TTC29: variants seen among roughly 807,000 people sequenced by gnomAD.
TTC29 encodes the protein tetratricopeptide repeat protein 29.
A neutral mutation model predicts 58.1 loss-of-function variants in TTC29; 49 were observed. That is an observed-to-expected ratio of 0.84 (90% CI 0.67 to 1.07). The LOEUF (loss-of-function observed/expected upper bound fraction) is 1.07, where lower values mean the gene tolerates loss of function less well. Ranked by LOEUF, TTC29 falls within the 50% of genes least tolerant of loss-of-function variation. The pLI is 0.00. For missense variants in TTC29, 582 were observed against 555.6 expected (o/e 1.05, Z -0.48); for synonymous variants, 209 against 196.8 (o/e 1.06, Z -0.52).
intron 6 of TTC29, among the ~76,000 whole-genome samples, chr4:146,900,042 C>A (rs180961908): frequency 6.6e-6 from 1 of 152,258 alleles, no homozygotes; most frequent in East Asian, 1.9e-4. Flanking sequence ...CCAGGCAAGT[C>A]CCCACTCCAC....
At chr4:146,884,267 T>C (rs886520528) in intron 6 of TTC29, among the ~76,000 whole-genome samples, 4 of 152,124 alleles carry the variant, frequency 2.6e-5, no homozygotes, top group Non-Finnish European at 4.4e-5. Flanking sequence ...TTTCTAACAC[T>C]GGTCTAGTTG....
intron 8 of TTC29, among the ~76,000 whole-genome samples, chr4:146,853,102 A>T (rs1362705017): frequency 6.6e-6 from 1 of 152,166 alleles, no homozygotes; most frequent in Non-Finnish European, 1.5e-5. Flanking sequence ...AAACCTTTAA[A>T]TTTTAATGGA....
intron 10 of TTC29, among the ~76,000 whole-genome samples, chr4:146,816,833 C>G (rs1377610175): frequency 2.6e-5 from 4 of 151,908 alleles, no homozygotes; most frequent in Non-Finnish European, 5.9e-5. Context: ...ACTCGATTTC[C>G]TTAAAAAAAA....
At chr4:146,801,489 G>A (rs2150116180) in intron 11 of TTC29, among the ~76,000 whole-genome samples, 1 of 152,102 alleles carries the variant, frequency 6.6e-6, no homozygotes, top group East Asian at 1.9e-4. Context: ...GCAAAGGAGT[G>A]TTTTATTTTA....
chr4:146,753,372 G>C (rs1219635847), intron 11 of TTC29, among the ~76,000 whole-genome samples: 4 of 152,200 alleles, frequency 2.6e-5, no homozygotes, highest in South Asian at 2.1e-4. Context: ...ACACCAGTTA[G>C]AATGACGATC....
intron 11 of TTC29, among the ~76,000 whole-genome samples, chr4:146,759,783 C>T (rs997210569): frequency 5.3e-5 from 8 of 151,950 alleles, no homozygotes; most frequent in African/African-American, 1.5e-4. Flanking sequence ...AAGGGACATA[C>T]CTTAATGTAG....
intron 9 of TTC29, among the ~76,000 whole-genome samples, chr4:146,821,273 T>C (rs1751801116): frequency 6.6e-6 from 1 of 152,142 alleles, no homozygotes. Flanking sequence ...TGAAATTAGA[T>C]AGCGGCCATG....
At chr4:146,942,531 G>A (rs377733007) in intron 2 of TTC29, 1 of 1,165,262 alleles carries the variant, frequency 8.6e-7, no homozygotes, top group Non-Finnish European at 1.2e-6. Flanking sequence ...TATAACTCAT[G>A]TGAGGTTTGA....
chr4:146,937,739 C>T (rs908127797), intron 3 of TTC29, 62 bp from the exon 4 acceptor site: 6 of 892,438 alleles, frequency 6.7e-6, no homozygotes, highest in Non-Finnish European at 1.0e-5. Context: ...CTACCAAACA[C>T]ATAAAATGCC....
chr4:146,707,903 G>C (rs1742095435), intron 11 of TTC29, among the ~76,000 whole-genome samples: 1 of 152,030 alleles, frequency 6.6e-6, no homozygotes, highest in African/African-American at 2.4e-5. Context: ...GCCTCTACCT[G>C]GTTATCTTAG....
At chr4:146,843,020 A>G (rs1034322549) in intron 8 of TTC29, among the ~76,000 whole-genome samples, 1 of 152,150 alleles carries the variant, frequency 6.6e-6, no homozygotes, top group Non-Finnish European at 1.5e-5. Flanking sequence ...CAGACAATCA[A>G]CTGCAACATT....
intron 10 of TTC29, among the ~76,000 whole-genome samples, chr4:146,818,723 G>A (rs916856779): frequency 1.3e-5 from 2 of 152,092 alleles, no homozygotes; most frequent in Non-Finnish European, 2.9e-5. Context: ...AGAAAATGTG[G>A]CACATATACA....
intron 11 of TTC29, among the ~76,000 whole-genome samples, chr4:146,785,027 T>C (rs762319594): frequency 6.6e-6 from 1 of 152,224 alleles, no homozygotes; most frequent in African/African-American, 2.4e-5. Context: ...CTTTTGTTCC[T>C]ACGCAAAATG....
chr4:146,869,116 A>C lies in TTC29; in HGVS notation c.800-1533T>G, dbSNP rs553124873. The stretch of plus-strand genomic sequence containing the variant: ...TTTAAGTAAAAAAAAAAAAAAAAAA[A>C]AAACCTCTTTTCTTTATAAATTACC... On this transcript the variant is annotated intron_variant, in intron 7 of 12. Coordinates refer to ENST00000325106, the MANE Select transcript of TTC29 (RefSeq NM_031956.4). 9.8e-3 allele frequency among the ~76,000 whole-genome samples: 1,480 copies of C among 150,340 alleles called. 12 individuals are homozygous for C. Among genetic ancestry groups the C allele is most frequent in the Non-Finnish European group, 0.017 (1,134 of 67,646 alleles).
intron 11 of TTC29, among the ~76,000 whole-genome samples, chr4:146,776,542 G>A (rs1412631585): frequency 6.6e-6 from 1 of 152,030 alleles, no homozygotes; most frequent in Non-Finnish European, 1.5e-5. Context: ...ATTTTAGAGG[G>A]CCAAGGTTTA....
At chr4:146,835,562 G>A (rs917368070) in intron 8 of TTC29, among the ~76,000 whole-genome samples, 3 of 151,822 alleles carry the variant, frequency 2.0e-5, no homozygotes, top group African/African-American at 7.3e-5. Context: ...TACCACTATT[G>A]TGTCTCAGGC....
At chr4:146,760,688 AG>A (rs1278009117) in intron 11 of TTC29, among the ~76,000 whole-genome samples, 5 of 151,246 alleles carry the variant, frequency 3.3e-5, no homozygotes, top group Non-Finnish European at 7.4e-5. Flanking sequence ...AAGTGGGGAA[AG>A]GACACCCTTT....
chr4:146,770,740 C>T (rs767066656), intron 11 of TTC29, among the ~76,000 whole-genome samples: 3 of 151,950 alleles, frequency 2.0e-5, no homozygotes, highest in Non-Finnish European at 4.4e-5. Flanking sequence ...CCTAATATCT[C>T]TAAGCTTCAG....
intron 11 of TTC29, among the ~76,000 whole-genome samples, chr4:146,750,330 T>C (rs998825224): frequency 3.9e-5 from 6 of 152,134 alleles, no homozygotes; most frequent in African/African-American, 1.2e-4. Context: ...TTAAGAAACA[T>C]TTAAGAAAGT....
Sources: gnomAD v4.1 joint callset for allele counts (sites outside exome capture counted in the v4.1 genomes callset) on GRCh38, gnomAD v4.1.1 for gene constraint, MANE v1.5 for transcripts, NCBI Gene and HGNC (gene_info 2026-07-23, HGNC 2026-07-21) for gene names.